C1QTNF3: variants seen among roughly 807,000 people sequenced by gnomAD.
C1QTNF3 encodes C1q and TNF related 3.
C1QTNF3 carries 26 observed loss-of-function variants against 32.6 expected under a neutral mutation model. The ratio of observed to expected loss-of-function variants is 0.80; its 90% CI spans 0.58 to 1.11. The LOEUF is 1.11. Among genes scored for constraint, C1QTNF3 ranks in the 50% least tolerant of loss-of-function variants. C1QTNF3 has a pLI of 0.00. For missense variants in C1QTNF3, 362 were observed against 398.2 expected (o/e 0.91, Z 0.77); for synonymous variants, 155 against 146.0 (o/e 1.06, Z -0.44).
At chr5:34,224,316 G>A in the C1QTNF3 span, among the ~76,000 whole-genome samples, 2 of 152,276 alleles carry the variant, frequency 1.3e-5, no homozygotes, top group East Asian at 3.9e-4. Context: ...AAGTTCATAT[G>A]GAACCAAAAA....
At chr5:34,087,642 T>C in the C1QTNF3 span, among the ~76,000 whole-genome samples, 2 of 138,534 alleles carry the variant, frequency 1.4e-5, no homozygotes, top group East Asian at 4.6e-4. Context: ...GGCACCATCA[T>C]GGCTCAATCA....
chr5:34,139,282 G>C, the C1QTNF3 span, among the ~76,000 whole-genome samples: 35 of 151,914 alleles, frequency 2.3e-4, no homozygotes, highest in African/African-American at 8.0e-4. Context: ...GGAGAAGTGT[G>C]ATAAGTTAAA....
chr5:34,217,683 TTA>T, the C1QTNF3 span, among the ~76,000 whole-genome samples: 1 of 152,106 alleles, frequency 6.6e-6, no homozygotes, highest in Admixed American at 6.6e-5. Context: ...AAAGTTGGGA[TTA>T]TGTTAGTGAA....
At chr5:34,024,359 C>T (rs1021686154) in intron 4 of C1QTNF3, 9 of 201,332 alleles carry the variant, frequency 4.5e-5, no homozygotes, top group African/African-American at 2.0e-4. Context: ...CCACAGAACT[C>T]GTGTTACCAA....
At chr5:34,087,679 T>A in the C1QTNF3 span, among the ~76,000 whole-genome samples, 1 of 150,378 alleles carries the variant, frequency 6.6e-6, no homozygotes. Context: ...GCTCAAATGA[T>A]CTTCACACCT....
chr5:34,020,399 G>C lies in C1QTNF3; in HGVS notation c.*184C>G, dbSNP rs78200175. 13,551 of 658,204 alleles carry C rather than the reference G, an allele frequency of 0.021. 195 individuals carry two copies. Among genetic ancestry groups the C allele is most frequent in the Non-Finnish European group, 0.027 (10,352 of 385,742 alleles). The allele number at this position is 658,204 out of a possible 1,614,324, so 40.8% of individuals were successfully genotyped here. ...AGGTCATCTGAGAAGACTATTTTGT[G>C]GTTGATTCTTCTGAGCCCCTGAATT... On this transcript the variant is annotated 3_prime_UTR_variant, in exon 6 of 6. Coordinates refer to ENST00000382065, the MANE Select transcript of C1QTNF3 (RefSeq NM_181435.6).
chr5:34,235,522 T>A, the C1QTNF3 span, among the ~76,000 whole-genome samples: 3 of 149,768 alleles, frequency 2.0e-5, no homozygotes, highest in African/African-American at 4.9e-5. Context: ...TTCTTTCCAC[T>A]CTAAAGACAG....
the C1QTNF3 span, among the ~76,000 whole-genome samples, chr5:34,216,934 A>C: frequency 6.6e-6 from 1 of 152,166 alleles, no homozygotes; most frequent in Non-Finnish European, 1.5e-5. Context: ...TCTGCAAATA[A>C]AACGGTGTGT....
At chr5:34,056,909 A>G in the C1QTNF3 span, among the ~76,000 whole-genome samples, 7 of 152,304 alleles carry the variant, frequency 4.6e-5, no homozygotes, top group East Asian at 1.4e-3. Flanking sequence ...AAAAACCGCA[A>G]TTTTAACAAG....
chr5:34,127,982 T>C, the C1QTNF3 span, among the ~76,000 whole-genome samples: 2 of 151,982 alleles, frequency 1.3e-5, no homozygotes, highest in Non-Finnish European at 2.9e-5. Flanking sequence ...GAGGAAAAAG[T>C]CCTCAGGGCA....
chr5:34,233,998 T>C, the C1QTNF3 span, among the ~76,000 whole-genome samples: 1 of 152,160 alleles, frequency 6.6e-6, no homozygotes, highest in African/African-American at 2.4e-5. Flanking sequence ...AAATCAGTAT[T>C]GTATTAGTAC....
chr5:34,101,747 C>T, the C1QTNF3 span, among the ~76,000 whole-genome samples: 2 of 152,150 alleles, frequency 1.3e-5, no homozygotes, highest in Non-Finnish European at 2.9e-5. Flanking sequence ...CACCTTTGGT[C>T]AGTTTTATAG....
At chr5:34,208,489 C>A in the C1QTNF3 span, among the ~76,000 whole-genome samples, 1 of 151,842 alleles carries the variant, frequency 6.6e-6, no homozygotes, top group African/African-American at 2.4e-5. Context: ...CCCTCTCTTT[C>A]ACAGTTTTTT....
chr5:34,048,228 A>G, the C1QTNF3 span, among the ~76,000 whole-genome samples: 5 of 151,866 alleles, frequency 3.3e-5, no homozygotes, highest in Non-Finnish European at 5.9e-5. Context: ...GAGAAGCCAA[A>G]TACTAATCAG....
the C1QTNF3 span, among the ~76,000 whole-genome samples, chr5:34,214,836 C>T: frequency 6.6e-6 from 1 of 152,128 alleles, no homozygotes; most frequent in Non-Finnish European, 1.5e-5. Flanking sequence ...GGCTAACAGG[C>T]TTATACCTAC....
At chr5:34,026,575 G>A (rs1023828097) in intron 4 of C1QTNF3, among the ~76,000 whole-genome samples, 1 of 152,040 alleles carries the variant, frequency 6.6e-6, no homozygotes, top group Non-Finnish European at 1.5e-5. Flanking sequence ...GTGCAGTCTG[G>A]AGAGGTAGTG....
the C1QTNF3 span, among the ~76,000 whole-genome samples, chr5:34,122,006 T>G: frequency 6.6e-6 from 1 of 152,168 alleles, no homozygotes; most frequent in Non-Finnish European, 1.5e-5. Context: ...CCTCTAAAAC[T>G]ATGAAAAATA....
chr5:34,230,035 T>C, the C1QTNF3 span, among the ~76,000 whole-genome samples: 1 of 151,654 alleles, frequency 6.6e-6, no homozygotes, highest in East Asian at 1.9e-4. Context: ...AGAGAGGGAG[T>C]GGGCCCTCAC....
chr5:34,088,981 T>C, the C1QTNF3 span, among the ~76,000 whole-genome samples: 1 of 152,022 alleles, frequency 6.6e-6, no homozygotes, highest in Admixed American at 6.6e-5. Context: ...AACACTTTTA[T>C]AGGTTTGATC....
Sources: allele counts gnomAD v4.1 joint callset (sites outside exome capture counted in the v4.1 genomes callset), GRCh38; gene constraint gnomAD v4.1.1; transcripts MANE v1.5; gene names NCBI Gene and HGNC (gene_info 2026-07-23, HGNC 2026-07-21).